The following FRAS1 variants were observed in gnomAD, a reference collection of about 807,000 sequenced individuals.
FRAS1 encodes extracellular matrix organizing protein FRAS1.
Under a neutral mutation model 435.2 loss-of-function variants are expected in FRAS1, and 290 were observed. That is an observed-to-expected ratio of 0.67 (90% confidence interval 0.61 to 0.73). The LOEUF (loss-of-function observed/expected upper bound fraction) is 0.73. Ranked by LOEUF, FRAS1 falls within the 30% of genes least tolerant of loss-of-function variation. FRAS1 has a pLI of 0.00. For missense variants in FRAS1, 4,860 were observed against 5,001.5 expected (o/e 0.97, Z 0.85); for synonymous variants, 1,800 against 1,851.0 (o/e 0.97, Z 0.71).
intron 32 of FRAS1, among the ~76,000 whole-genome samples, chr4:78,416,077 C>G (rs1366228782): frequency 6.6e-6 from 1 of 152,096 alleles, no homozygotes; most frequent in Non-Finnish European, 1.5e-5. Context: ...TACAGACGTA[C>G]ACACACAGAG....
chr4:78,263,729 C>T (rs1378225406), intron 6 of FRAS1, among the ~76,000 whole-genome samples: 1 of 152,138 alleles, frequency 6.6e-6, no homozygotes, highest in Non-Finnish European at 1.5e-5. Context: ...TTCCATTAAA[C>T]AATCAGTGGT....
chr4:78,127,758 T>G (rs918312579), intron 2 of FRAS1, among the ~76,000 whole-genome samples: 1 of 152,040 alleles, frequency 6.6e-6, no homozygotes, highest in South Asian at 2.1e-4. Flanking sequence ...TTAATTTTAT[T>G]ATTATTATAC....
Position 78,407,747 on chromosome 4 carries a change from C to T in FRAS1, c.4214C>T (p.Pro1405Leu), listed in dbSNP as rs779970777. 6.2e-7 allele frequency: 1 copy of T among 1,613,834 alleles called. No homozygotes were observed. The highest frequency in any genetic ancestry group is 8.5e-7 in the Non-Finnish European group (1 of 1,179,828). ...QHLPDGRTATPTSTFTQQDIN... is the reference protein window; with the variant it reads ...QHLPDGRTATLTSTFTQQDIN... ...CTGCCTGATGGGAGGACAGCTACCC[C>T]CACCAGCACCTTCACCCAGCAGGAC... The change falls in exon 31 of 74, where the codon CCC (proline) becomes CTC (leucine). Residue 1405 changes from proline (P) to leucine (L), a missense_variant. By Grantham distance (98) the Pro-to-Leu change is moderately conservative. Transcript: ENST00000512123.
At chr4:78,120,856 G>C (rs115697939) in intron 2 of FRAS1, among the ~76,000 whole-genome samples, 1 of 152,124 alleles carries the variant, frequency 6.6e-6, no homozygotes, top group African/African-American at 2.4e-5. Context: ...CCTAGGTTTG[G>C]ACCAAATCTG....
At chr4:78,358,954 A>G (rs1730969718) in intron 20 of FRAS1, among the ~76,000 whole-genome samples, 1 of 152,226 alleles carries the variant, frequency 6.6e-6, no homozygotes, top group Admixed American at 6.5e-5. Context: ...CTATGTAAAA[A>G]TCTCTATATG....
chr4:78,461,470 T>G (rs1172195752), intron 47 of FRAS1, among the ~76,000 whole-genome samples: 2 of 152,174 alleles, frequency 1.3e-5, no homozygotes, highest in Non-Finnish European at 2.9e-5. Context: ...AGTGTCATGA[T>G]CTACAAAATG....
intron 2 of FRAS1, among the ~76,000 whole-genome samples, chr4:78,118,860 C>A (rs1454088418): frequency 1.1e-4 from 17 of 150,790 alleles, no homozygotes; most frequent in East Asian, 1.9e-4. Context: ...CAGTGAGATG[C>A]ACCCAGTACC....
At chr4:78,191,512 C>T (rs544036179) in intron 2 of FRAS1, among the ~76,000 whole-genome samples, 8 of 146,668 alleles carry the variant, frequency 5.5e-5, no homozygotes, top group South Asian at 2.2e-4. Flanking sequence ...ACCAAATCCT[C>T]GGGATTTGTT....
Position 78,282,919 on chromosome 4 carries a change from A to G in FRAS1, c.1207A>G (p.Thr403Ala). ...CTCTTGCCCACCATGTCCAGTGGGC[A>G]CACTGGCCTTAGAGGTGAAGGGACA... is the stretch of plus-strand genomic sequence containing the variant. ...EPSCPPCPVG[T>A]LALEVKGQCC... is the part of the protein sequence containing the mutation. The change falls in exon 12 of 74, where the codon ACA becomes GCA. Residue 403 changes from threonine (T) to alanine (A), a missense_variant. By Grantham distance (58) the Thr-to-Ala change is moderately conservative (BLOSUM62 0). Transcript: ENST00000512123. The G allele has an allele frequency of 9.3e-6, 15 of 1,610,666 alleles. No individual in the cohort carries two copies. The highest frequency in any genetic ancestry group is 1.2e-5 in the Non-Finnish European group (14 of 1,178,678).
chr4:78,117,395 T>G (rs1182453189), intron 2 of FRAS1, among the ~76,000 whole-genome samples: 1 of 152,180 alleles, frequency 6.6e-6, no homozygotes, highest in Admixed American at 6.6e-5. Flanking sequence ...CTAGATTGGG[T>G]AAGTTCTCTT....
chr4:78,247,413 G>T lies in FRAS1; in HGVS notation c.309+2088G>T, dbSNP rs755136419. Among the ~76,000 whole-genome samples, 99 of 152,252 alleles carry T rather than the reference G, an allele frequency of 6.5e-4. 1 individual carries two copies. The highest frequency in any genetic ancestry group is 3.4e-3 in the Middle Eastern group (1 of 294). ...TTTTTTGGGGAAAAAATCTCTAGTG[G>T]ATTGCTTCTTCAAATAGAGCTAGAA... On this transcript the variant is annotated intron_variant, in intron 4 of 73. Transcript: ENST00000512123.
chr4:78,243,188 C>T (rs1294728019), intron 3 of FRAS1, among the ~76,000 whole-genome samples: 1 of 99,718 alleles, frequency 1.0e-5, no homozygotes, highest in African/African-American at 2.7e-5. Flanking sequence ...TTAACTCTCT[C>T]TATATATATA....
At chr4:78,116,278 G>A (rs1214510932) in intron 2 of FRAS1, among the ~76,000 whole-genome samples, 1 of 152,156 alleles carries the variant, frequency 6.6e-6, no homozygotes, top group Non-Finnish European at 1.5e-5. Flanking sequence ...AATAGGTGTG[G>A]TGTGGTGCTG....
intron 45 of FRAS1, among the ~76,000 whole-genome samples, chr4:78,451,164 T>G (rs1215341615): frequency 6.6e-6 from 1 of 152,172 alleles, no homozygotes; most frequent in Admixed American, 6.5e-5. Flanking sequence ...TCCCAGAGAT[T>G]TGGTTATATT....
intron 14 of FRAS1, among the ~76,000 whole-genome samples, chr4:78,298,239 G>C (rs77314452): frequency 6.7e-6 from 1 of 148,728 alleles, no homozygotes; most frequent in Non-Finnish European, 1.5e-5. Flanking sequence ...AAACATAAAT[G>C]TATATTATTA....
At chr4:78,096,125 A>G (rs1438535697) in intron 2 of FRAS1, among the ~76,000 whole-genome samples, 1 of 152,192 alleles carries the variant, frequency 6.6e-6, no homozygotes, top group Non-Finnish European at 1.5e-5. Flanking sequence ...GGCCAAAACA[A>G]AAGGGCTGCA....
At chr4:78,185,524 A>C (rs1342173104) in intron 2 of FRAS1, among the ~76,000 whole-genome samples, 2 of 152,138 alleles carry the variant, frequency 1.3e-5, no homozygotes, top group Non-Finnish European at 2.9e-5. Flanking sequence ...TTTAGAGAAG[A>C]TTTGAATATG....
chr4:78,089,214 G>C (rs1462875070), intron 2 of FRAS1, among the ~76,000 whole-genome samples: 1 of 146,964 alleles, frequency 6.8e-6, no homozygotes, highest in African/African-American at 2.5e-5. Context: ...TCACTCATAG[G>C]TGGGAATTGA....
chr4:78,261,820 G>T (rs1028345498), intron 6 of FRAS1, among the ~76,000 whole-genome samples: 4 of 152,090 alleles, frequency 2.6e-5, no homozygotes, highest in African/African-American at 7.2e-5. Context: ...CCTTATGAAG[G>T]TTCCTGTGTC....
Sources: gnomAD v4.1 joint callset for allele counts (sites outside exome capture counted in the v4.1 genomes callset) on GRCh38, gnomAD v4.1.1 for gene constraint, MANE v1.5 for transcripts, NCBI Gene and HGNC (gene_info 2026-07-23, HGNC 2026-07-21) for gene names.